The following KCNIP4 variants were observed in gnomAD, a reference collection of about 807,000 sequenced individuals.
KCNIP4 encodes the protein Kv channel-interacting protein 4.
Under a neutral mutation model 34.0 loss-of-function variants are expected in KCNIP4, and 12 were observed. That is an observed-to-expected ratio of 0.35 (90% CI 0.23 to 0.57). KCNIP4 has a LOEUF of 0.57. Ranked by LOEUF, KCNIP4 falls within the 20% of genes least tolerant of loss-of-function variation. KCNIP4 has a pLI of 0.83. For missense variants in KCNIP4, 238 were observed against 311.7 expected, an observed-to-expected ratio of 0.76 and a Z score of 1.78; for synonymous variants, 124 against 102.2, an observed-to-expected ratio of 1.21 and a Z score of -1.29.
chr4:21,622,460 C>T (rs1459092081), intron 1 of KCNIP4, among the ~76,000 whole-genome samples: 1 of 152,084 alleles, frequency 6.6e-6, no homozygotes, highest in Non-Finnish European at 1.5e-5. Context: ...TCTTATTCCC[C>T]AGAGTATTTC....
At chr4:21,419,241 G>T (rs1255796469) in intron 1 of KCNIP4, among the ~76,000 whole-genome samples, 5 of 152,190 alleles carry the variant, frequency 3.3e-5, no homozygotes, top group Admixed American at 3.3e-4. Context: ...TGTGAAGCAT[G>T]TTTAATAAAA....
chr4:21,266,227 T>TA (rs896553599), intron 1 of KCNIP4, among the ~76,000 whole-genome samples: 2 of 152,152 alleles, frequency 1.3e-5, no homozygotes, highest in African/African-American at 4.8e-5. Context: ...TTTAAGGAAA[T>TA]AAAAATGCAA....
intron 1 of KCNIP4, among the ~76,000 whole-genome samples, chr4:21,757,836 A>T (rs1717766455): frequency 6.6e-6 from 1 of 152,180 alleles, no homozygotes; most frequent in African/African-American, 2.4e-5. Flanking sequence ...GAAAAGATAG[A>T]ACTGTTCAGA....
At chr4:21,834,921 C>G (rs989929272) in intron 1 of KCNIP4, among the ~76,000 whole-genome samples, 5 of 152,060 alleles carry the variant, frequency 3.3e-5, no homozygotes, top group Admixed American at 3.3e-4. Context: ...ATTGAACCAG[C>G]CTTGCATCCC....
At position 21,221,083 on chromosome 4, in the gene KCNIP4, C is replaced by T. The variant is rs1032682079; in HGVS notation, c.62-338374G>A. 6.2e-4 allele frequency among the ~76,000 whole-genome samples: 95 copies of T among 152,140 alleles called. 2 individuals carry two copies. Among genetic ancestry groups the T allele is most frequent in the Admixed American group, 1.3e-4 (2 of 15,266 alleles). On this transcript the variant is annotated intron_variant, in intron 1 of 8. Coordinates refer to ENST00000382152, the MANE Select transcript of KCNIP4 (RefSeq NM_025221.6). ...AATTCATCGTTCATTCCTCTGTGCT[C>T]TTAACACCTGCTCCTTAGGCCTCCA...
At chr4:21,559,601 A>G (rs749419439) in intron 1 of KCNIP4, among the ~76,000 whole-genome samples, 1 of 152,146 alleles carries the variant, frequency 6.6e-6, no homozygotes, top group Non-Finnish European at 1.5e-5. Context: ...AGAAGACACC[A>G]TGACTCTGCC....
Position 20,794,685 on chromosome 4 carries a change from T to C in KCNIP4, c.289-35795A>G, listed in dbSNP as rs563446059. 2.0e-5 allele frequency among the ~76,000 whole-genome samples: 3 copies of C among 152,280 alleles called. No homozygotes were observed. The East Asian group carries it at 5.8e-4, about 29-fold the overall frequency. On this transcript the variant is annotated intron_variant, in intron 3 of 8. Coordinates refer to ENST00000382152, the MANE Select transcript of KCNIP4 (RefSeq NM_025221.6). ...GAATAACATCTGGATTCTAGTGAAGTTCTATTTCTCGATCTCTGTGTGGGT... is the reference window on the plus strand; with the variant it reads ...GAATAACATCTGGATTCTAGTGAAGCTCTATTTCTCGATCTCTGTGTGGGT...
At chr4:21,771,976 A>T (rs1718825520) in intron 1 of KCNIP4, among the ~76,000 whole-genome samples, 1 of 152,180 alleles carries the variant, frequency 6.6e-6, no homozygotes, top group Admixed American at 6.5e-5. Context: ...AGGGGTGGTG[A>T]CAGAGGGCAT....
chr4:21,244,392 A>C (rs2109058533), intron 1 of KCNIP4, among the ~76,000 whole-genome samples: 1 of 152,348 alleles, frequency 6.6e-6, no homozygotes, highest in Non-Finnish European at 1.5e-5. Flanking sequence ...GTCATTCAGC[A>C]ATCTGAATAC....
intron 1 of KCNIP4, among the ~76,000 whole-genome samples, chr4:21,378,850 A>G (rs1034460163): frequency 6.6e-6 from 1 of 152,182 alleles, no homozygotes; most frequent in Non-Finnish European, 1.5e-5. Flanking sequence ...ACCTTTATAC[A>G]TACTACGTAG....
chr4:20,798,041 A>G (rs553835429), intron 3 of KCNIP4, among the ~76,000 whole-genome samples: 1 of 152,292 alleles, frequency 6.6e-6, no homozygotes, highest in South Asian at 2.1e-4. Context: ...CTTGGATCCT[A>G]CCCAAATAGT....
intron 1 of KCNIP4, among the ~76,000 whole-genome samples, chr4:21,308,033 A>G (rs1712682075): frequency 6.6e-6 from 1 of 152,244 alleles, no homozygotes; most frequent in Non-Finnish European, 1.5e-5. Flanking sequence ...TGCAGTCTAA[A>G]TAAGTAAAGT....
At chr4:21,918,751 G>A (rs545884776) in intron 1 of KCNIP4, among the ~76,000 whole-genome samples, 2 of 152,218 alleles carry the variant, frequency 1.3e-5, no homozygotes, top group African/African-American at 4.8e-5. Context: ...GACAGTGTCC[G>A]GTCAGATCAC....
At chr4:21,340,409 C>A (rs1366610936) in intron 1 of KCNIP4, among the ~76,000 whole-genome samples, 1 of 152,094 alleles carries the variant, frequency 6.6e-6, no homozygotes, top group Non-Finnish European at 1.5e-5. Flanking sequence ...TTGAAGCCAT[C>A]TGTTATTTAA....
At position 21,233,961 on chromosome 4, in the gene KCNIP4, A is replaced by G. The variant is rs13112460; in HGVS notation, c.62-351252T>C. 2.9e-5 allele frequency among the ~76,000 whole-genome samples: 4 copies of G among 138,428 alleles called. No homozygotes were observed. In the East Asian group the frequency reaches 8.1e-4, roughly 28 times the overall value. 90.8% of individuals were successfully genotyped at this position (138,428 alleles called of 152,430 possible). A position where few individuals can be genotyped will look rare whatever the true frequency, so the allele number is the denominator to read the frequency against. The stretch of plus-strand genomic sequence containing the variant: ...ATAAATATTACATATAACATATATA[A>G]CATATATTATATAACATATATAACA... On this transcript the variant is annotated intron_variant, in intron 1 of 8. Coordinates refer to ENST00000382152, the MANE Select transcript of KCNIP4 (RefSeq NM_025221.6).
At chr4:20,973,859 G>A (rs1735220776) in intron 1 of KCNIP4, among the ~76,000 whole-genome samples, 1 of 152,062 alleles carries the variant, frequency 6.6e-6, no homozygotes, top group African/African-American at 2.4e-5. Context: ...ATTAAGTTTG[G>A]AATCTTACAT....
chr4:21,107,632 T>A (rs1368596930), intron 1 of KCNIP4, among the ~76,000 whole-genome samples: 1 of 150,780 alleles, frequency 6.6e-6, no homozygotes, highest in Admixed American at 6.6e-5. Flanking sequence ...ATGAATTTGA[T>A]CCTGTCATTA....
intron 1 of KCNIP4, among the ~76,000 whole-genome samples, chr4:21,382,965 G>C (rs1053020851): frequency 1.3e-5 from 2 of 152,170 alleles, no homozygotes; most frequent in African/African-American, 4.8e-5. Flanking sequence ...GAATATGACT[G>C]CATTTGGAGA....
At chr4:21,776,024 C>T (rs1449719993) in intron 1 of KCNIP4, among the ~76,000 whole-genome samples, 1 of 152,198 alleles carries the variant, frequency 6.6e-6, no homozygotes, top group Non-Finnish European at 1.5e-5. Flanking sequence ...TGAGAGGCTG[C>T]AAGAATCTAA....
Sources: allele counts gnomAD v4.1 joint callset (sites outside exome capture counted in the v4.1 genomes callset), GRCh38; gene constraint gnomAD v4.1.1; transcripts MANE v1.5; gene names NCBI Gene and HGNC (gene_info 2026-07-23, HGNC 2026-07-21).